Variants in XNDC1N observed in about 807,000 individuals in gnomAD.
XNDC1N encodes the protein protein XNDC1N.
chr11:71,899,782 G>C, the XNDC1N span, among the ~76,000 whole-genome samples: 1 of 152,114 alleles, frequency 6.6e-6, no homozygotes, highest in African/African-American at 2.4e-5. Context: ...AGACCTGACC[G>C]TCGCCGAGCC....
the XNDC1N span, among the ~76,000 whole-genome samples, chr11:71,888,385 C>T: frequency 6.6e-6 from 1 of 152,152 alleles, no homozygotes; most frequent in Non-Finnish European, 1.5e-5. Flanking sequence ...ATTAGCCAAG[C>T]CTTTGTATGC....
At chr11:71,928,379 C>T in the XNDC1N span, 1 of 681,452 alleles carries the variant, frequency 1.5e-6, no homozygotes, top group African/African-American at 1.8e-5. Context: ...GACCGTGGAC[C>T]TCGAGGAGCC....
the XNDC1N span, among the ~76,000 whole-genome samples, chr11:71,899,428 A>G: frequency 0.073 from 11,037 of 152,096 alleles, 645 homozygotes; most frequent in African/African-American, 0.16. Context: ...AAAGACATAA[A>G]AGACTCCATT....
the XNDC1N span, among the ~76,000 whole-genome samples, chr11:71,892,636 T>C: frequency 6.6e-6 from 1 of 152,114 alleles, no homozygotes; most frequent in East Asian, 1.9e-4. Flanking sequence ...ATTCTCCTGC[T>C]TCAGCCTCCT....
chr11:71,926,596 A>T, the XNDC1N span, among the ~76,000 whole-genome samples: 1 of 152,124 alleles, frequency 6.6e-6, no homozygotes, highest in South Asian at 2.1e-4. Context: ...CTACCTCACA[A>T]CGTATCTAAA....
the XNDC1N span, among the ~76,000 whole-genome samples, chr11:71,911,890 C>T: frequency 6.6e-6 from 1 of 152,132 alleles, no homozygotes; most frequent in Admixed American, 6.6e-5. Flanking sequence ...ATCAGTGCTC[C>T]CTCAAGCACC....
At chr11:71,903,288 C>T in the XNDC1N span, 10 of 1,357,472 alleles carry the variant, frequency 7.4e-6, no homozygotes, top group African/African-American at 1.4e-5. Context: ...CTGTTCCTGT[C>T]CATGTGCCTG....
the XNDC1N span, among the ~76,000 whole-genome samples, chr11:71,886,171 A>G: frequency 3.2e-3 from 483 of 152,040 alleles, 3 homozygotes; most frequent in African/African-American, 0.011. Context: ...CACCTGCGTC[A>G]ATCTTCTCAA....
the XNDC1N span, among the ~76,000 whole-genome samples, chr11:71,899,521 C>G: frequency 6.6e-6 from 1 of 151,480 alleles, no homozygotes; most frequent in East Asian, 1.9e-4. Flanking sequence ...TTGACCCAAC[C>G]TGAAGCTCAC....
At chr11:71,891,240 C>A in the XNDC1N span, among the ~76,000 whole-genome samples, 19 of 151,970 alleles carry the variant, frequency 1.3e-4, no homozygotes, top group Non-Finnish European at 7.4e-5. Flanking sequence ...GGAGTCATAT[C>A]ATCCTCTCTC....
chr11:71,893,305 T>A, the XNDC1N span: 184 of 523,462 alleles, frequency 3.5e-4, no homozygotes, highest in African/African-American at 3.2e-3. Flanking sequence ...GTAATAATTC[T>A]GAGATTTTTG....
chr11:71,879,056 T>A, the XNDC1N span, among the ~76,000 whole-genome samples: 1 of 152,000 alleles, frequency 6.6e-6, no homozygotes, highest in African/African-American at 2.4e-5. Context: ...GATCAAAAGA[T>A]GGTGAGAGGA....
the XNDC1N span, among the ~76,000 whole-genome samples, chr11:71,888,031 A>C: frequency 8.7e-5 from 13 of 150,082 alleles, no homozygotes; most frequent in Admixed American, 1.3e-4. Context: ...CGTGGGCTCG[A>C]GACCTCCAGA....
the XNDC1N span, among the ~76,000 whole-genome samples, chr11:71,898,115 C>T: frequency 1.7e-4 from 25 of 150,746 alleles, no homozygotes; most frequent in African/African-American, 4.7e-4. Flanking sequence ...ACCCAGGAGG[C>T]GGAGGTTGGA....
the XNDC1N span, among the ~76,000 whole-genome samples, chr11:71,876,714 T>C: frequency 6.6e-6 from 1 of 152,260 alleles, no homozygotes; most frequent in Non-Finnish European, 1.5e-5. Context: ...AGGATTTCAA[T>C]TATTTGTTCC....
chr11:71,874,342 T>A, the XNDC1N span, among the ~76,000 whole-genome samples: 4 of 152,114 alleles, frequency 2.6e-5, no homozygotes, highest in African/African-American at 9.6e-5. Flanking sequence ...AAATAAAAAA[T>A]AAAAGAGATA....
chr11:71,913,665 TAAAAAAA>T, the XNDC1N span, among the ~76,000 whole-genome samples: 109 of 105,342 alleles, frequency 1.0e-3, no homozygotes, highest in Non-Finnish European at 1.7e-3. Flanking sequence ...TCTCAAAAGA[TAAAAAAA>T]AAAAAAAAAA....
the XNDC1N span, among the ~76,000 whole-genome samples, chr11:71,915,781 T>C: frequency 2.0e-5 from 3 of 152,214 alleles, no homozygotes; most frequent in Admixed American, 1.3e-4. Context: ...AAATAAAGTA[T>C]GAATTTAAGT....
At chr11:71,918,581 C>T in the XNDC1N span, among the ~76,000 whole-genome samples, 3,864 of 152,298 alleles carry the variant, frequency 0.025, 54 homozygotes, top group East Asian at 0.076. Flanking sequence ...TGTGCCTGGC[C>T]GGGATTTATA....
Sources: gnomAD v4.1 joint callset for allele counts (sites outside exome capture counted in the v4.1 genomes callset) on GRCh38, gnomAD v4.1.1 for gene constraint, MANE v1.5 for transcripts, NCBI Gene and HGNC (gene_info 2026-07-23, HGNC 2026-07-21) for gene names.